CCDC141: variants seen among roughly 807,000 people sequenced by gnomAD.
The protein encoded by CCDC141 is coiled-coil domain-containing protein 141.
In CCDC141, 168 loss-of-function variants were observed where a neutral mutation model predicts 181.0. The ratio of observed to expected loss-of-function variants is 0.93; its 90% CI spans 0.82 to 1.05. CCDC141 has a LOEUF of 1.05. Among genes scored for constraint, CCDC141 ranks in the 50% least tolerant of loss-of-function variants. The pLI is 0.00. For synonymous variants in CCDC141, 666 were observed against 642.3 expected (o/e 1.04, Z -0.56); for missense variants, 1,902 against 1,788.5 (o/e 1.06, Z -1.14).
In CCDC141 at chr2:178,852,118, ACT is replaced by A. The variant is rs1685190606; in HGVS notation, c.3244+1321_3244+1322del. 2.0e-5 allele frequency among the ~76,000 whole-genome samples: 3 copies of A among 152,364 alleles called. No homozygotes were observed. In the South Asian group the frequency reaches 6.2e-4, roughly 32 times the overall value. ...AAATCGCTCCTCAAATACAGCTTAC[ACT>A]CTGGTAAGGAAAGTCAGGCAACAGA... On this transcript the variant is annotated intron_variant, in intron 20 of 23. Transcript: ENST00000443758.
intron 4 of CCDC141, among the ~76,000 whole-genome samples, chr2:178,962,453 C>T (rs982718205): frequency 6.6e-6 from 1 of 152,168 alleles, no homozygotes; most frequent in Non-Finnish European, 1.5e-5. Context: ...TTCTCTCTGT[C>T]CTCACCATGG....
intron 5 of CCDC141, among the ~76,000 whole-genome samples, chr2:178,953,550 C>G (rs908297156): frequency 6.6e-6 from 1 of 152,134 alleles, no homozygotes; most frequent in Non-Finnish European, 1.5e-5. Context: ...CTCAAGAATG[C>G]AGCCGAAGAG....
intron 5 of CCDC141, among the ~76,000 whole-genome samples, chr2:178,957,529 C>A (rs548392350): frequency 2.0e-5 from 3 of 152,290 alleles, no homozygotes; most frequent in Admixed American, 6.5e-5. Context: ...CAAAACTAAA[C>A]ACACTCTCAC....
chr2:178,957,087 G>A, intron 5 of CCDC141, among the ~76,000 whole-genome samples: 1 of 152,116 alleles, frequency 6.6e-6, no homozygotes, highest in Admixed American at 6.5e-5. Flanking sequence ...TGTTGAGGCT[G>A]ATCTCGAACT....
At chr2:179,041,236 G>A (rs573341227) in intron 2 of CCDC141, among the ~76,000 whole-genome samples, 26 of 151,964 alleles carry the variant, frequency 1.7e-4, no homozygotes, top group African/African-American at 5.8e-4. Flanking sequence ...GACTACAGGC[G>A]CCCACCACCA....
intron 2 of CCDC141, among the ~76,000 whole-genome samples, chr2:179,020,224 T>C (rs1002360721): frequency 6.6e-6 from 1 of 152,168 alleles, no homozygotes; most frequent in Non-Finnish European, 1.5e-5. Context: ...TAAGGAGCTT[T>C]AGGGTTAAAA....
At chr2:178,895,413 T>C (rs1233930364) in intron 8 of CCDC141, among the ~76,000 whole-genome samples, 2 of 152,180 alleles carry the variant, frequency 1.3e-5, no homozygotes, top group Non-Finnish European at 2.9e-5. Flanking sequence ...GTTCTGTAGG[T>C]CCAGATCTTT....
chr2:178,868,166 C>G lies in CCDC141; in HGVS notation c.2434G>C (p.Glu812Gln), dbSNP rs1338726929. ...GCATCACCCAGTTCCTTCGGCTGCT[C>G]TACAAACTCCAGCTCTCTTGATTTG... is the stretch of plus-strand genomic sequence containing the variant. ...LIKSRELEFV[E>Q]QPKELGDAHD... Residue 812 changes from glutamate to glutamine, a missense_variant, in exon 16 of 24, where the codon GAG (glutamate) becomes CAG (glutamine). Glu to Gln is a conservative substitution (Grantham distance 29, BLOSUM62 2). Coordinates refer to ENST00000443758, the MANE Select transcript of CCDC141 (RefSeq NM_173648.4). 1.2e-6 allele frequency: 2 copies of G among 1,613,916 alleles called. No homozygotes were observed. Among genetic ancestry groups the G allele is most frequent in the South Asian group, 2.2e-5 (2 of 91,074 alleles).
chr2:178,995,967 T>A (rs757572784), intron 2 of CCDC141, among the ~76,000 whole-genome samples: 2 of 152,204 alleles, frequency 1.3e-5, no homozygotes, highest in Non-Finnish European at 2.9e-5. Flanking sequence ...TATGATGGTG[T>A]TAGTTCAAGA....
At position 178,834,002 on chromosome 2, in the gene CCDC141, G is replaced by A. The variant is rs1043166079; in HGVS notation, c.*171C>T. ...ACCAAGCTTCTCAAATATATTAAACGCTCCAGAAAATTTGATTATTTCACC... is the reference window on the plus strand; with the variant it reads ...ACCAAGCTTCTCAAATATATTAAACACTCCAGAAAATTTGATTATTTCACC... On this transcript the variant is annotated 3_prime_UTR_variant, in exon 24 of 24. Transcript: ENST00000443758. 8 of 646,504 alleles carry A rather than the reference G, an allele frequency of 1.2e-5. No individual in the cohort carries two copies. Among genetic ancestry groups the A allele is most frequent in the African/African-American group, 1.8e-5 (1 of 54,638 alleles). 40.0% of individuals were successfully genotyped at this position (646,504 alleles called of 1,614,324 possible).
At chr2:178,947,329 C>G (rs528339885) in intron 5 of CCDC141, among the ~76,000 whole-genome samples, 1 of 152,028 alleles carries the variant, frequency 6.6e-6, no homozygotes, top group East Asian at 1.9e-4. Flanking sequence ...AGAACATGGT[C>G]CCTGCAAAAC....
chr2:178,861,165 G>T (rs1685598895), intron 17 of CCDC141, among the ~76,000 whole-genome samples: 1 of 150,612 alleles, frequency 6.6e-6, no homozygotes. Context: ...GAGGATGTTT[G>T]TGCTTTTTTT....
chr2:178,960,883 C>T (rs182894200), intron 5 of CCDC141, among the ~76,000 whole-genome samples: 3 of 152,280 alleles, frequency 2.0e-5, no homozygotes, highest in Admixed American at 1.3e-4. Context: ...CATGCCTCTT[C>T]AACTTTTAAG....
intron 2 of CCDC141, among the ~76,000 whole-genome samples, chr2:179,020,070 A>T (rs979524271): frequency 6.6e-6 from 1 of 152,112 alleles, no homozygotes; most frequent in African/African-American, 2.4e-5. Context: ...AGATCATTTG[A>T]TAGATAAGAT....
intron 2 of CCDC141, among the ~76,000 whole-genome samples, chr2:179,020,182 G>C (rs887464566): frequency 6.6e-6 from 1 of 152,022 alleles, no homozygotes; most frequent in Non-Finnish European, 1.5e-5. Context: ...TCAAATACAG[G>C]TGTGTGGTTT....
intron 7 of CCDC141, among the ~76,000 whole-genome samples, chr2:178,908,865 T>C (rs541893086): frequency 2.5e-4 from 38 of 152,266 alleles, no homozygotes; most frequent in African/African-American, 7.2e-4. Flanking sequence ...GGAAGAAAAA[T>C]ATATAAAAGT....
intron 6 of CCDC141, among the ~76,000 whole-genome samples, chr2:178,924,516 T>C (rs965404371): frequency 1.3e-5 from 2 of 152,190 alleles, no homozygotes; most frequent in African/African-American, 4.8e-5. Context: ...ATGTTTATGC[T>C]TTTGAAGAGT....
chr2:178,838,029 A>C (rs1006755397), intron 22 of CCDC141, among the ~76,000 whole-genome samples: 8 of 152,142 alleles, frequency 5.3e-5, no homozygotes, highest in Non-Finnish European at 1.0e-4. Flanking sequence ...TCTGTAGTGA[A>C]GGGGTTGGAC....
chr2:178,837,048 C>T lies in CCDC141; in HGVS notation c.4171G>A (p.Glu1391Lys). The part of the protein sequence containing the change: ...GYQRQMVPRE[E>K]IKSTSAKSSV... ...CTCTTTGCTGATGTGCTTTTAATCT[C>T]TTCTCGAGGAACCATTTGCCTCTGA... Residue 1391 changes from glutamate to lysine, a missense_variant, in exon 23 of 24, where the codon GAG becomes AAG. Glu to Lys is a moderately conservative substitution (Grantham distance 56, BLOSUM62 1). Transcript: ENST00000443758. The T allele has an allele frequency of 1.2e-6, 2 of 1,614,010 alleles. No homozygotes were observed. Among genetic ancestry groups the T allele is most frequent in the Non-Finnish European group, 1.7e-6 (2 of 1,179,970 alleles).
Sources: gnomAD v4.1 joint callset for allele counts (sites outside exome capture counted in the v4.1 genomes callset) on GRCh38, gnomAD v4.1.1 for gene constraint, MANE v1.5 for transcripts, NCBI Gene and HGNC (gene_info 2026-07-23, HGNC 2026-07-21) for gene names.